The following MAPK10 variants were observed in gnomAD, a reference collection of about 807,000 sequenced individuals.
MAPK10 encodes mitogen-activated protein kinase 10.
Under a neutral mutation model 59.3 loss-of-function variants are expected in MAPK10, and 25 were observed. That is an observed-to-expected ratio of 0.42 (90% CI 0.31 to 0.59). The LOEUF is 0.59. Among genes scored for constraint, MAPK10 ranks in the 20% least tolerant of loss-of-function variants. The probability of loss-of-function intolerance (pLI) is 0.15; values close to 1 mark genes in which losing one functional copy is unlikely to be tolerated. For synonymous variants in MAPK10, 190 were observed against 200.5 expected (o/e 0.95, Z 0.44); for missense variants, 351 against 568.9 (o/e 0.62, Z 3.90).
At chr4:86,132,323 G>C (rs1022881501) in intron 4 of MAPK10, among the ~76,000 whole-genome samples, 5 of 152,114 alleles carry the variant, frequency 3.3e-5, no homozygotes, top group African/African-American at 9.7e-5. Context: ...TTTATCGACT[G>C]TTGAAAAGAA....
intron 4 of MAPK10, among the ~76,000 whole-genome samples, chr4:86,120,915 T>C (rs2149112957): frequency 6.6e-6 from 1 of 152,328 alleles, no homozygotes; most frequent in African/African-American, 2.4e-5. Flanking sequence ...TAGTGTTTAG[T>C]AAATATTTTC....
intron 4 of MAPK10, among the ~76,000 whole-genome samples, chr4:86,146,521 T>G (rs1159515900): frequency 6.6e-6 from 1 of 152,132 alleles, no homozygotes; most frequent in Admixed American, 6.6e-5. Context: ...CCTGTGCAGT[T>G]AGGTTATAGC....
At chr4:86,370,403 A>C (rs1738577533) in intron 1 of MAPK10, among the ~76,000 whole-genome samples, 1 of 152,182 alleles carries the variant, frequency 6.6e-6, no homozygotes, top group African/African-American at 2.4e-5. Context: ...AATTGAGCAA[A>C]AATAGTGTCA....
intron 2 of MAPK10, among the ~76,000 whole-genome samples, chr4:86,290,639 G>T (rs544740489): frequency 6.6e-6 from 1 of 152,126 alleles, no homozygotes; most frequent in South Asian, 2.1e-4. Context: ...TCTTTTATTT[G>T]TTGTGACTTT....
intron 1 of MAPK10, among the ~76,000 whole-genome samples, chr4:86,510,809 T>C (rs1391918753): frequency 6.6e-6 from 1 of 152,124 alleles, no homozygotes; most frequent in Non-Finnish European, 1.5e-5. Flanking sequence ...TAGCACGTTC[T>C]CATTCATATA....
At position 86,390,852 on chromosome 4, in the gene MAPK10, G is replaced by T. The variant is rs375391853; in HGVS notation, c.-121-36208C>A. Among the ~76,000 whole-genome samples the T allele has an allele frequency of 4.6e-5, 7 of 152,256 alleles. No individual in the cohort carries two copies. The East Asian group carries it at 5.8e-4, about 13-fold the overall frequency. On this transcript the variant is annotated intron_variant, in intron 1 of 13. Transcript: ENST00000361569. The stretch of plus-strand genomic sequence containing the variant: ...GCTTTAAGCCCAAAGCAATATATTT[G>T]CTCTTGTCAAAGAAGCTATCAATCT...
At chr4:86,163,800 G>A (rs748105805) in intron 3 of MAPK10, among the ~76,000 whole-genome samples, 20 of 152,256 alleles carry the variant, frequency 1.3e-4, no homozygotes, top group Non-Finnish European at 2.6e-4. Context: ...AAGCAATGCA[G>A]ATCGACATGT....
chr4:86,498,854 T>C (rs1755089272), intron 1 of MAPK10, among the ~76,000 whole-genome samples: 1 of 152,192 alleles, frequency 6.6e-6, no homozygotes, highest in South Asian at 2.1e-4. Context: ...ATAGATGTAG[T>C]TGTGGAACAC....
At chr4:86,554,914 G>A (rs954848218) in intron 1 of MAPK10, among the ~76,000 whole-genome samples, 1 of 152,086 alleles carries the variant, frequency 6.6e-6, no homozygotes, top group African/African-American at 2.4e-5. Context: ...AAACCACAAT[G>A]AACTTCTCAT....
chr4:86,098,978 A>G (rs2054774516), intron 8 of MAPK10: 1 of 175,748 alleles, frequency 5.7e-6, no homozygotes. Context: ...AACAATATTA[A>G]CTTGTAGAGT....
intron 1 of MAPK10, among the ~76,000 whole-genome samples, chr4:86,532,025 A>C (rs1203997164): frequency 6.7e-6 from 1 of 149,328 alleles, no homozygotes. Flanking sequence ...CTCTGTCTCT[A>C]AATTTTTTTA....
intron 1 of MAPK10, among the ~76,000 whole-genome samples, chr4:86,522,461 G>A (rs753769166): frequency 7.9e-5 from 12 of 152,200 alleles, no homozygotes; most frequent in Admixed American, 1.3e-4. Context: ...GAGATGATAC[G>A]TTTAACACAG....
chr4:86,335,537 T>C (rs1720699527), intron 2 of MAPK10, among the ~76,000 whole-genome samples: 1 of 152,128 alleles, frequency 6.6e-6, no homozygotes, highest in African/African-American at 2.4e-5. Flanking sequence ...CTCACCCCCT[T>C]CTTCTTCTTC....
Position 86,478,720 on chromosome 4 carries a change from C to G in MAPK10, c.-263+115190G>C, listed in dbSNP as rs13141537. On this transcript the variant is annotated intron_variant, in intron 1 of 4. Transcript: ENST00000502302. Reference sequence around the variant, plus strand: ...CTCTCTGATCCACCTGACATTCACCCCATTTCCCCATACTTCCTTCTTTCC... The same window carrying G: ...CTCTCTGATCCACCTGACATTCACCGCATTTCCCCATACTTCCTTCTTTCC... Among the ~76,000 whole-genome samples, 406 of 152,230 alleles carry G rather than the reference C, an allele frequency of 2.7e-3. 1 individual carries two copies. The highest frequency in any genetic ancestry group is 4.6e-3 in the Non-Finnish European group (313 of 68,018).
intron 2 of MAPK10, among the ~76,000 whole-genome samples, chr4:86,354,104 GTGTGT>G (rs1564661625): frequency 1.4e-5 from 2 of 145,248 alleles, no homozygotes; most frequent in Admixed American, 1.4e-4. Context: ...GAGCTAAATT[GTGTGT>G]GTGTGTGTGT....
At chr4:86,581,918 TA>T (rs1477840550) in intron 1 of MAPK10, among the ~76,000 whole-genome samples, 1 of 60,168 alleles carries the variant, frequency 1.7e-5, no homozygotes, top group African/African-American at 4.3e-5. Context: ...TATATATATA[TA>T]TATATATATA....
At chr4:86,298,549 A>T (rs559170535) in intron 2 of MAPK10, among the ~76,000 whole-genome samples, 55 of 152,312 alleles carry the variant, frequency 3.6e-4, no homozygotes, top group Non-Finnish European at 6.8e-4. Flanking sequence ...ACTTGAACTA[A>T]CAACTGCTCC....
chr4:86,292,177 T>C (rs1375393415), intron 2 of MAPK10, among the ~76,000 whole-genome samples: 1 of 152,212 alleles, frequency 6.6e-6, no homozygotes, highest in Non-Finnish European at 1.5e-5. Context: ...TAGTATCTGG[T>C]ATTCTATTTC....
At chr4:86,154,463 G>A (rs565887127) in intron 4 of MAPK10, among the ~76,000 whole-genome samples, 1 of 152,206 alleles carries the variant, frequency 6.6e-6, no homozygotes, top group South Asian at 2.1e-4. Context: ...ACTGTAATAT[G>A]TATACAATAT....
Sources: allele counts gnomAD v4.1 joint callset (sites outside exome capture counted in the v4.1 genomes callset), GRCh38; gene constraint gnomAD v4.1.1; transcripts MANE v1.5; gene names NCBI Gene and HGNC (gene_info 2026-07-23, HGNC 2026-07-21).